Variants in RYR3 observed in about 807,000 individuals in gnomAD.
The protein encoded by RYR3 is brain ryanodine receptor-calcium release channel.
RYR3 carries 207 observed loss-of-function variants against 584.3 expected under a neutral mutation model. The observed-to-expected ratio is 0.35, with a 90% CI of 0.32 to 0.40. The LOEUF (loss-of-function observed/expected upper bound fraction) is 0.40, where lower values mean the gene tolerates loss of function less well. Among genes scored for constraint, RYR3 ranks in the 10% least tolerant of loss-of-function variants. The pLI is 1.00. For synonymous variants in RYR3, 2,416 were observed against 2,248.5 expected, an observed-to-expected ratio of 1.07 and a Z score of -2.11; for missense variants, 5,616 against 6,089.2, an observed-to-expected ratio of 0.92 and a Z score of 2.59.
At chr15:33,848,546 C>A in intron 94 of RYR3, 125 bp downstream of exon 94, 1 of 1,103,836 alleles carries the variant, frequency 9.1e-7, no homozygotes, top group Non-Finnish European at 1.3e-6. Context: ...GACTTTTCTC[C>A]CTTGCCTCTT....
chr15:33,525,135 C>A (rs2054295501), intron 3 of RYR3, among the ~76,000 whole-genome samples: 1 of 152,098 alleles, frequency 6.6e-6, no homozygotes, highest in Admixed American at 6.5e-5. Flanking sequence ...TTTATGTTTC[C>A]TGTGGATCTT....
chr15:33,410,172 C>T lies in RYR3; in HGVS notation c.52-63247C>T, dbSNP rs1054587574. On this transcript the variant is annotated intron_variant, in intron 1 of 103. Transcript: ENST00000634891. Reference sequence around the variant, plus strand: ...GTATAACTGGCCCATCTAATGCCACCGCCTGGGGAATCTATGCCACAGCAC... The same window carrying T: ...GTATAACTGGCCCATCTAATGCCACTGCCTGGGGAATCTATGCCACAGCAC... 4.6e-5 allele frequency among the ~76,000 whole-genome samples: 7 copies of T among 152,126 alleles called. No individual in the cohort carries two copies. The South Asian group carries it at 6.2e-4, about 14-fold the overall frequency.
intron 38 of RYR3, among the ~76,000 whole-genome samples, chr15:33,672,454 A>G (rs776265249): frequency 1.3e-5 from 2 of 152,190 alleles, no homozygotes; most frequent in African/African-American, 2.4e-5. Flanking sequence ...TTCGTGTCAT[A>G]AGTACTCTAT....
chr15:33,403,760 T>A (rs1216894326), intron 1 of RYR3, among the ~76,000 whole-genome samples: 2 of 152,238 alleles, frequency 1.3e-5, no homozygotes, highest in Non-Finnish European at 2.9e-5. Flanking sequence ...CTAAAAACAC[T>A]GATCTTAAAT....
intron 12 of RYR3, among the ~76,000 whole-genome samples, chr15:33,568,060 GT>G (rs1000439640): frequency 6.6e-6 from 1 of 152,154 alleles, no homozygotes; most frequent in Non-Finnish European, 1.5e-5. Flanking sequence ...ATCCTGGGAT[GT>G]TTTTTCATTC....
chr15:33,754,426 A>C (rs988145281), intron 57 of RYR3, among the ~76,000 whole-genome samples: 3 of 152,144 alleles, frequency 2.0e-5, no homozygotes, highest in African/African-American at 7.2e-5. Flanking sequence ...TTAACCTTCA[A>C]CGCAACATGC....
Position 33,540,790 on chromosome 15 carries a change from G to A in RYR3, c.547-1G>A. 1 of 1,594,350 alleles carries A rather than the reference G, an allele frequency of 6.3e-7. No homozygotes were observed. The highest frequency in any genetic ancestry group is 8.6e-7 in the Non-Finnish European group (1 of 1,162,416). On this transcript the variant is annotated splice_acceptor_variant, in intron 6 of 103. Transcript: ENST00000634891. LOFTEE classifies it high-confidence loss of function. ...ATGTCTCATTTCTGTTTCTGCTGCA[G>A]CATCTCTCAGTATCAAATGGTAACA...
chr15:33,462,328 T>A (rs928852949), intron 1 of RYR3, among the ~76,000 whole-genome samples: 1 of 152,214 alleles, frequency 6.6e-6, no homozygotes, highest in Admixed American at 6.5e-5. Flanking sequence ...TCAAAGAGTA[T>A]CCTACATGCC....
intron 51 of RYR3, 149 bp from the exon 52 acceptor site, chr15:33,742,217 C>G (rs1192611819): frequency 4.7e-6 from 3 of 641,822 alleles, no homozygotes; most frequent in Non-Finnish European, 8.5e-6. Flanking sequence ...AGGAATGTCA[C>G]TGCGCCTGGA....
At chr15:33,759,482 A>G (rs982714225) in intron 60 of RYR3, among the ~76,000 whole-genome samples, 2 of 152,224 alleles carry the variant, frequency 1.3e-5, no homozygotes, top group Non-Finnish European at 2.9e-5. Context: ...AACACAGCAC[A>G]AGAACTTCAT....
At chr15:33,818,798 C>A in intron 76 of RYR3, 114 bp downstream of exon 76, 3 of 726,504 alleles carry the variant, frequency 4.1e-6, no homozygotes, top group South Asian at 3.6e-5. Context: ...ATTTGAGCAG[C>A]CCTCCTTGCT....
At chr15:33,691,402 G>A (rs1247870173) in intron 38 of RYR3, among the ~76,000 whole-genome samples, 1 of 152,140 alleles carries the variant, frequency 6.6e-6, no homozygotes, top group Non-Finnish European at 1.5e-5. Flanking sequence ...GGAAGCTGTC[G>A]AGCTCCCAGT....
intron 1 of RYR3, among the ~76,000 whole-genome samples, chr15:33,342,724 A>C (rs1971977542): frequency 6.6e-6 from 1 of 152,228 alleles, no homozygotes; most frequent in Admixed American, 6.5e-5. Context: ...AAATGGCATG[A>C]GTTCTGGTCC....
intron 10 of RYR3, among the ~76,000 whole-genome samples, chr15:33,552,530 G>A (rs2056762230): frequency 6.6e-6 from 1 of 152,168 alleles, no homozygotes; most frequent in Admixed American, 6.5e-5. Flanking sequence ...ACATTTCACT[G>A]GAGTCACTAT....
chr15:33,349,995 T>G (rs887898589), intron 1 of RYR3, among the ~76,000 whole-genome samples: 5 of 151,862 alleles, frequency 3.3e-5, no homozygotes, highest in Non-Finnish European at 5.9e-5. Flanking sequence ...AGTCTATCAT[T>G]GTTGGACATT....
chr15:33,619,063 G>A (rs1051665359), intron 19 of RYR3, among the ~76,000 whole-genome samples: 1 of 152,164 alleles, frequency 6.6e-6, no homozygotes, highest in African/African-American at 2.4e-5. Flanking sequence ...CTCCCAGGCA[G>A]CTCTTACTGA....
chr15:33,855,244 C>CTGGAGTGCAG lies in RYR3; in HGVS notation c.14007+333_14007+342dup, dbSNP rs1428589923. On this transcript the variant is annotated intron_variant, in intron 98 of 103. Coordinates refer to ENST00000634891, the MANE Select transcript of RYR3 (RefSeq NM_001036.6). ...ACGGTGTCTCGCTGTGTAGCCCAGGCTGGAGTGCAGCGGTGGGATCTTGGC... is the reference window on the plus strand; with the variant it reads ...ACGGTGTCTCGCTGTGTAGCCCAGGCTGGAGTGCAGTGGAGTGCAGCGGTGGGATCTTGGC... Among the ~76,000 whole-genome samples, 9 of 151,850 alleles carry CTGGAGTGCAG rather than the reference C, an allele frequency of 5.9e-5. No individual in the cohort carries two copies. The East Asian group carries it at 1.7e-3, about 29-fold the overall frequency.
intron 95 of RYR3, 30 bp downstream of exon 95, chr15:33,853,117 T>G: frequency 6.5e-7 from 1 of 1,543,940 alleles, no homozygotes; most frequent in Non-Finnish European, 8.7e-7. Context: ...GTGAGTTCCG[T>G]GATCACCAAA....
chr15:33,583,043 C>T (rs917581243), intron 14 of RYR3, among the ~76,000 whole-genome samples: 1 of 152,164 alleles, frequency 6.6e-6, no homozygotes, highest in African/African-American at 2.4e-5. Flanking sequence ...CTCCCTCTCT[C>T]TGCAGTATCA....
Sources: gnomAD v4.1 joint callset for allele counts (sites outside exome capture counted in the v4.1 genomes callset) on GRCh38, gnomAD v4.1.1 for gene constraint, MANE v1.5 for transcripts, NCBI Gene and HGNC (gene_info 2026-07-23, HGNC 2026-07-21) for gene names.